FNDC3B: variants seen among roughly 807,000 people sequenced by gnomAD.
FNDC3B encodes fibronectin type III domain containing 3B.
FNDC3B carries 12 observed loss-of-function variants against 151.5 expected under a neutral mutation model. The ratio of observed to expected loss-of-function variants is 0.08; its 90% CI spans 0.05 to 0.13. The LOEUF (loss-of-function observed/expected upper bound fraction) is 0.13. FNDC3B is among the 10% of genes least tolerant of loss of function. FNDC3B has a pLI of 1.00. For missense variants in FNDC3B, 1,214 were observed against 1,505.3 expected, an observed-to-expected ratio of 0.81 and a Z score of 3.20; for synonymous variants, 528 against 549.0, an observed-to-expected ratio of 0.96 and a Z score of 0.54.
chr3:172,069,239 C>T (rs1717651552), intron 1 of FNDC3B, among the ~76,000 whole-genome samples: 1 of 152,140 alleles, frequency 6.6e-6, no homozygotes. Flanking sequence ...GGCATGGAAT[C>T]CTCAGGAGAG....
At position 172,347,369 on chromosome 3, in the gene FNDC3B, G is replaced by A. The variant is rs1425454517; in HGVS notation, c.2514+8G>A. 1 of 1,607,720 alleles carries A rather than the reference G, an allele frequency of 6.2e-7. No homozygotes were observed. The highest frequency in any genetic ancestry group is 8.5e-7 in the Non-Finnish European group (1 of 1,176,710). ...TATTGCTGTAGACTACAGGTAGGTT[G>A]ACATTATTCAGATGTTACTCACAAG... On this transcript the variant is annotated splice_region_variant and intron_variant, in intron 21 of 25. Transcript: ENST00000415807.
At chr3:172,233,531 C>T (rs550324292) in intron 4 of FNDC3B, among the ~76,000 whole-genome samples, 8 of 152,160 alleles carry the variant, frequency 5.3e-5, no homozygotes, top group African/African-American at 1.9e-4. Flanking sequence ...AAGCAGACAC[C>T]TCTGTGGAGA....
chr3:172,155,807 C>G (rs1375907980), intron 3 of FNDC3B, among the ~76,000 whole-genome samples: 1 of 152,144 alleles, frequency 6.6e-6, no homozygotes, highest in Non-Finnish European at 1.5e-5. Context: ...TGAACCATGC[C>G]TTGGTGGAAT....
At chr3:172,179,862 A>C (rs1723798184) in intron 3 of FNDC3B, among the ~76,000 whole-genome samples, 1 of 10,680 alleles carries the variant, frequency 9.4e-5, no homozygotes, top group African/African-American at 3.1e-4. Context: ...TGTCTCCAAA[A>C]AAAAAAAAAA....
chr3:172,359,926 A>G (rs1032779991), intron 22 of FNDC3B, among the ~76,000 whole-genome samples: 3 of 152,214 alleles, frequency 2.0e-5, no homozygotes, highest in Admixed American at 1.3e-4. Context: ...ATATTTATCT[A>G]GTTTTAGGTG....
intron 12 of FNDC3B, 140 bp downstream of exon 12, chr3:172,329,216 C>A: frequency 9.8e-7 from 1 of 1,022,042 alleles, no homozygotes; most frequent in Non-Finnish European, 1.4e-6. Flanking sequence ...GAATCCTAAT[C>A]AGAGGAGAGA....
At position 172,394,106 on chromosome 3, in the gene FNDC3B, T is replaced by TA. The variant is rs60559371; in HGVS notation, c.3304-3028dup. Among the ~76,000 whole-genome samples, 138 of 16,644 alleles carry TA rather than the reference T, an allele frequency of 8.3e-3. 12 individuals carry two copies. The highest frequency in any genetic ancestry group is 0.023 in the African/African-American group (105 of 4,612). 10.9% of individuals were successfully genotyped at this position (16,644 alleles called of 152,430 possible). On this transcript the variant is annotated intron_variant, in intron 25 of 25. Transcript: ENST00000415807. ...CTGGGTGACAGAGTGAGACTCCTTC[T>TA]AAAAAAAAAAAAAAAAAAAAAAAAA...
intron 25 of FNDC3B, among the ~76,000 whole-genome samples, chr3:172,387,797 C>CT (rs893705695): frequency 2.0e-5 from 3 of 152,140 alleles, no homozygotes; most frequent in South Asian, 2.1e-4. Context: ...AGTCAGTACT[C>CT]TAAGAGTTTA....
At chr3:172,251,595 A>G in intron 6 of FNDC3B, 54 bp downstream of exon 6, 1 of 1,486,786 alleles carries the variant, frequency 6.7e-7, no homozygotes, top group East Asian at 2.3e-5. Context: ...AGACATCTCA[A>G]ATGATGTTTC....
At chr3:172,149,652 T>C (rs890547163) in intron 3 of FNDC3B, among the ~76,000 whole-genome samples, 2 of 152,074 alleles carry the variant, frequency 1.3e-5, no homozygotes, top group Non-Finnish European at 2.9e-5. Flanking sequence ...ATTGAGACCT[T>C]ACTTTAGGTC....
At position 172,061,696 on chromosome 3, in the gene FNDC3B, C is replaced by T. The variant is rs114908952; in HGVS notation, c.-29+21925C>T. On this transcript the variant is annotated intron_variant, in intron 1 of 25. Coordinates refer to ENST00000415807, the MANE Select transcript of FNDC3B (RefSeq NM_022763.4). ...ACAAAATAGTGATATTCTATATTTTCCTGTCTCTTTTGTTTCTTTCTTTAA... is the reference window on the plus strand; with the variant it reads ...ACAAAATAGTGATATTCTATATTTTTCTGTCTCTTTTGTTTCTTTCTTTAA... Among the ~76,000 whole-genome samples the T allele has an allele frequency of 4.1e-3, 630 of 152,258 alleles. 4 individuals are homozygous for T. The highest frequency in any genetic ancestry group is 0.015 in the African/African-American group (608 of 41,538).
At chr3:172,124,511 A>G (rs574216732) in intron 2 of FNDC3B, among the ~76,000 whole-genome samples, 38 of 152,356 alleles carry the variant, frequency 2.5e-4, no homozygotes, top group African/African-American at 8.7e-4. Flanking sequence ...TCTTAAACCT[A>G]GAGGGAAATG....
At position 172,231,879 on chromosome 3, in the gene FNDC3B, G is replaced by GTTTTT. The variant is rs33956893; in HGVS notation, c.264+4947_264+4951dup. On this transcript the variant is annotated intron_variant, in intron 4 of 25. Transcript: ENST00000415807. The stretch of plus-strand genomic sequence containing the variant: ...GTGCATTGTATGGTCTTTATTTACC[G>GTTTTT]TTTTTTTTTTTTTTTTTTTGAGATG... Among the ~76,000 whole-genome samples the GTTTTT allele has an allele frequency of 2.2e-4, 23 of 104,500 alleles. 1 individual carries two copies. Among genetic ancestry groups the GTTTTT allele is most frequent in the Middle Eastern group, 6.9e-3 (1 of 144 alleles). 68.6% of individuals were successfully genotyped at this position (104,500 alleles called of 152,430 possible).
intron 7 of FNDC3B, among the ~76,000 whole-genome samples, chr3:172,291,629 G>A (rs144926706): frequency 2.0e-5 from 3 of 152,252 alleles, no homozygotes; most frequent in Non-Finnish European, 4.4e-5. Flanking sequence ...ATGTCAGATT[G>A]CACCTCGTCC....
chr3:172,071,437 GTATATATATA>G (rs538571890), intron 1 of FNDC3B, among the ~76,000 whole-genome samples: 1 of 151,846 alleles, frequency 6.6e-6, no homozygotes, highest in Non-Finnish European at 1.5e-5. Flanking sequence ...GGATCTTTAG[GTATATATATA>G]TTTATACACC....
At chr3:172,084,814 C>T (rs1054461723) in intron 1 of FNDC3B, among the ~76,000 whole-genome samples, 1 of 152,164 alleles carries the variant, frequency 6.6e-6, no homozygotes, top group Non-Finnish European at 1.5e-5. Context: ...TTCAATTACT[C>T]TGTTCTGTTT....
intron 3 of FNDC3B, among the ~76,000 whole-genome samples, chr3:172,135,331 C>A (rs1359218778): frequency 6.6e-6 from 1 of 151,960 alleles, no homozygotes; most frequent in Non-Finnish European, 1.5e-5. Context: ...GCCGCTCCCC[C>A]ACTTTTTTCT....
At chr3:172,113,267 A>C (rs548482215) in intron 2 of FNDC3B, among the ~76,000 whole-genome samples, 1 of 152,342 alleles carries the variant, frequency 6.6e-6, no homozygotes, top group African/African-American at 2.4e-5. Flanking sequence ...TTATCTTTGT[A>C]CATCCTTCAG....
chr3:172,364,616 C>T (rs969441944), intron 23 of FNDC3B, among the ~76,000 whole-genome samples: 2 of 152,190 alleles, frequency 1.3e-5, no homozygotes, highest in Non-Finnish European at 1.5e-5. Flanking sequence ...GTAGTCTGAT[C>T]CAAGGTTTTC....
Sources: gnomAD v4.1 joint callset for allele counts (sites outside exome capture counted in the v4.1 genomes callset) on GRCh38, gnomAD v4.1.1 for gene constraint, MANE v1.5 for transcripts, NCBI Gene and HGNC (gene_info 2026-07-23, HGNC 2026-07-21) for gene names.